The following PAWR variants were observed in gnomAD, a reference collection of about 807,000 sequenced individuals.
PAWR encodes pro-apoptotic WT1 regulator, also known as PRKC apoptosis WT1 regulator protein.
Under a neutral mutation model 32.0 loss-of-function variants are expected in PAWR, and 23 were observed. The ratio of observed to expected loss-of-function variants is 0.72; its 90% confidence interval spans 0.52 to 1.02. The LOEUF (loss-of-function observed/expected upper bound fraction) is 1.02. Ranked by LOEUF, PAWR falls within the 50% of genes least tolerant of loss-of-function variation. The probability of loss-of-function intolerance (pLI) is 0.00; values close to 1 mark genes in which losing one functional copy is unlikely to be tolerated. For missense variants in PAWR, 457 were observed against 437.7 expected (o/e 1.04, Z -0.39); for synonymous variants, 226 against 187.1 (o/e 1.21, Z -1.70).
chr12:79,683,522 A>G (rs370209779), intron 2 of PAWR, among the ~76,000 whole-genome samples: 1 of 152,138 alleles, frequency 6.6e-6, no homozygotes, highest in East Asian at 1.9e-4. Context: ...CAAAAGTGAT[A>G]CTGGTAGAGA....
intron 4 of PAWR, among the ~76,000 whole-genome samples, chr12:79,610,808 A>G (rs578010540): frequency 6.6e-6 from 1 of 151,274 alleles, no homozygotes. Context: ...AAAAAAAAAA[A>G]CCCACAAATT....
intron 5 of PAWR, among the ~76,000 whole-genome samples, chr12:79,595,179 A>AGAAAAACAATG (rs1412199091): frequency 1.3e-5 from 2 of 152,266 alleles, no homozygotes; most frequent in African/African-American, 2.4e-5. Flanking sequence ...AATGGTCCTC[A>AGAAAAACAATG]GTTTTACTTC....
Position 79,689,726 on chromosome 12 carries a change from C to A in PAWR, c.516+3G>T. The A allele has an allele frequency of 6.5e-7, 1 of 1,549,642 alleles. No homozygotes were observed. Among genetic ancestry groups the A allele is most frequent in the Non-Finnish European group, 8.7e-7 (1 of 1,151,320 alleles). On this transcript the variant is annotated splice_donor_region_variant and intron_variant, in intron 2 of 6. Transcript: ENST00000328827. ...GTCCGGCTGCGGCCCCCGCCCGGCT[C>A]ACCTCTGCGGCAGGGATGTTGACCA...
Position 79,637,385 on chromosome 12 carries a change from A to G in PAWR, c.517-16178T>C, listed in dbSNP as rs534292406. On this transcript the variant is annotated intron_variant, in intron 2 of 6. Coordinates refer to ENST00000328827, the MANE Select transcript of PAWR (RefSeq NM_002583.4). ...CTTTAATCCGCCTCCTTCTCTGGTA[A>G]TACCCTTTTCATCTACCATTAGTCC... Among the ~76,000 whole-genome samples the G allele has an allele frequency of 2.0e-5, 3 of 152,128 alleles. No individual in the cohort carries two copies. The East Asian group carries it at 5.8e-4, about 29-fold the overall frequency.
chr12:79,682,087 C>T (rs1202171116), intron 2 of PAWR, among the ~76,000 whole-genome samples: 1 of 152,148 alleles, frequency 6.6e-6, no homozygotes, highest in Non-Finnish European at 1.5e-5. Context: ...TGTTTCAGTT[C>T]TGTATTTCAA....
At chr12:79,660,509 A>G (rs957891231) in intron 2 of PAWR, among the ~76,000 whole-genome samples, 2 of 151,970 alleles carry the variant, frequency 1.3e-5, no homozygotes, top group Non-Finnish European at 2.9e-5. Flanking sequence ...TCACATCATT[A>G]CCTCTAAAGA....
chr12:79,639,804 C>T (rs1201159473), intron 2 of PAWR, among the ~76,000 whole-genome samples: 1 of 136,958 alleles, frequency 7.3e-6, no homozygotes, highest in African/African-American at 3.7e-5. Flanking sequence ...AATGAGATTT[C>T]CATTCCATTC....
intron 2 of PAWR, among the ~76,000 whole-genome samples, chr12:79,639,324 C>T (rs1043239138): frequency 8.6e-5 from 13 of 152,020 alleles, no homozygotes; most frequent in Non-Finnish European, 2.9e-5. Context: ...TTATTATTCA[C>T]TTTTAAAATT....
intron 2 of PAWR, 54 bp downstream of exon 2, chr12:79,689,675 G>A (rs565757747): frequency 1.3e-6 from 2 of 1,517,194 alleles, no homozygotes; most frequent in East Asian, 2.5e-5. Context: ...GGAAGACACC[G>A]GGAGGCAGCT....
intron 2 of PAWR, among the ~76,000 whole-genome samples, chr12:79,677,217 G>A (rs1325406971): frequency 6.6e-6 from 1 of 152,120 alleles, no homozygotes; most frequent in Non-Finnish European, 1.5e-5. Context: ...TAGACATTAA[G>A]AATAACACAT....
intron 2 of PAWR, among the ~76,000 whole-genome samples, chr12:79,644,577 T>C (rs1318486048): frequency 2.6e-5 from 4 of 152,150 alleles, no homozygotes; most frequent in Non-Finnish European, 5.9e-5. Context: ...CTTCAGAAAG[T>C]TTTAAATAAA....
chr12:79,654,285 C>A (rs1326161511), intron 2 of PAWR, among the ~76,000 whole-genome samples: 1 of 152,106 alleles, frequency 6.6e-6, no homozygotes, highest in Non-Finnish European at 1.5e-5. Flanking sequence ...GCTTGTCAAT[C>A]TAATGGTTAT....
intron 1 of PAWR, 38 bp from the exon 2 acceptor site, chr12:79,690,429 G>GT (rs973225806): frequency 8.0e-7 from 1 of 1,252,010 alleles, no homozygotes; most frequent in Non-Finnish European, 1.0e-6. Flanking sequence ...TAAGGGAAGC[G>GT]TAAGATCCCC....
chr12:79,600,241 G>GT (rs1873906984), intron 4 of PAWR, among the ~76,000 whole-genome samples: 1 of 152,068 alleles, frequency 6.6e-6, no homozygotes, highest in African/African-American at 2.4e-5. Flanking sequence ...TCAAAAAAGT[G>GT]TATCTTTGCT....
At chr12:79,618,917 T>A (rs1012805450) in intron 3 of PAWR, among the ~76,000 whole-genome samples, 12 of 151,732 alleles carry the variant, frequency 7.9e-5, no homozygotes, top group South Asian at 2.1e-4. Flanking sequence ...AAAAAAAAAA[T>A]GAAGAAATAC....
chr12:79,614,022 T>G, intron 3 of PAWR, among the ~76,000 whole-genome samples: 1 of 64,894 alleles, frequency 1.5e-5, no homozygotes, highest in Non-Finnish European at 3.1e-5. Context: ...TTTTTTTTTT[T>G]TTTTTGAGAA....
intron 4 of PAWR, among the ~76,000 whole-genome samples, chr12:79,606,789 T>C (rs73343651): frequency 0.025 from 3,862 of 152,258 alleles, 170 homozygotes; most frequent in African/African-American, 0.085. Flanking sequence ...AAATTATTAC[T>C]TGTTTAATCA....
At chr12:79,653,023 T>G (rs933994132) in intron 2 of PAWR, among the ~76,000 whole-genome samples, 2 of 152,102 alleles carry the variant, frequency 1.3e-5, no homozygotes, top group African/African-American at 4.8e-5. Context: ...GAAATTCTGT[T>G]TTTGTGTTTG....
chr12:79,594,671 C>T (rs1001266382), intron 5 of PAWR, among the ~76,000 whole-genome samples: 1 of 151,916 alleles, frequency 6.6e-6, no homozygotes, highest in Admixed American at 6.6e-5. Flanking sequence ...TTTAACAAAA[C>T]TAATGTAATA....
Sources: gnomAD v4.1 joint callset for allele counts (sites outside exome capture counted in the v4.1 genomes callset) on GRCh38, gnomAD v4.1.1 for gene constraint, MANE v1.5 for transcripts, NCBI Gene and HGNC (gene_info 2026-07-23, HGNC 2026-07-21) for gene names.